Variants in MED13 observed in about 807,000 individuals in gnomAD.
The protein encoded by MED13 is mediator complex subunit 13.
MED13 carries 23 observed loss-of-function variants against 225.2 expected under a neutral mutation model. The observed-to-expected ratio is 0.10, with a 90% confidence interval of 0.07 to 0.14. MED13 has a LOEUF of 0.14. Ranked by LOEUF, MED13 falls within the 10% of genes least tolerant of loss-of-function variation. MED13 has a pLI of 1.00. For missense variants in MED13, 2,197 were observed against 2,594.5 expected (o/e 0.85, Z 3.33); for synonymous variants, 942 against 889.2 (o/e 1.06, Z -1.06).
chr17:62,041,175 A>G (rs2080849239), intron 3 of MED13, among the ~76,000 whole-genome samples: 2 of 152,260 alleles, frequency 1.3e-5, no homozygotes, highest in African/African-American at 4.8e-5. Flanking sequence ...TGTAGTATAT[A>G]CATACAACGG....
At position 61,943,975 on chromosome 17, in the gene MED13, G is replaced by C. The variant is rs552080124; in HGVS notation, c.*2493C>G. 6.6e-6 allele frequency: 1 copy of C among 152,652 alleles called. No individual in the cohort carries two copies. The highest frequency in any genetic ancestry group is 2.4e-5 in the African/African-American group (1 of 41,564). The allele number at this position is 152,652 out of a possible 1,614,324, so 9.5% of individuals were successfully genotyped here. Reference sequence around the variant, plus strand: ...TTTGTCTGTGACAGTACATTAGTAAGTCAAATCCATCATCCTGCACAAGGC... The same window carrying C: ...TTTGTCTGTGACAGTACATTAGTAACTCAAATCCATCATCCTGCACAAGGC... On this transcript the variant is annotated 3_prime_UTR_variant, in exon 30 of 30. Coordinates refer to ENST00000397786, the MANE Select transcript of MED13 (RefSeq NM_005121.3).
chr17:61,967,336 A>AT (rs1221193769), intron 18 of MED13, among the ~76,000 whole-genome samples: 2 of 152,316 alleles, frequency 1.3e-5, no homozygotes, highest in South Asian at 4.1e-4. Context: ...GATATTCCAA[A>AT]TAACACCCTT....
At chr17:61,966,423 G>A (rs757755112) in intron 19 of MED13, 39 bp downstream of exon 19, 1 of 1,492,546 alleles carries the variant, frequency 6.7e-7, no homozygotes, top group East Asian at 2.3e-5. Flanking sequence ...GCCACATTTT[G>A]CTAACACCAG....
Position 61,982,357 on chromosome 17 carries a change from C to T in MED13, c.3646G>A (p.Val1216Ile). 1 of 1,614,208 alleles carries T rather than the reference C, an allele frequency of 6.2e-7. No homozygotes were observed. The highest frequency in any genetic ancestry group is 8.5e-7 in the Non-Finnish European group (1 of 1,180,038). ...ADQDPFPKSG[V>I]ISNWVRVEER... ...TCAACACGTACCCAATTGCTAATTACACCACTTTTAGGAAAAGGATCTTGG... is the reference window on the plus strand; with the variant it reads ...TCAACACGTACCCAATTGCTAATTATACCACTTTTAGGAAAAGGATCTTGG... The change falls in exon 16 of 30, where the codon GTA becomes ATA. Residue 1216 changes from valine to isoleucine, a missense_variant. Physicochemically the swap from Val to Ile is conservative, Grantham distance 29 (BLOSUM62 3). This residue lies in a region of MED13 where 203 missense variants were observed against 209.7 expected (regional missense o/e 0.97). Transcript: ENST00000397786.
chr17:61,972,004 T>TA lies in MED13; in HGVS notation c.3967+722dup, dbSNP rs1230861691. Among the ~76,000 whole-genome samples the TA allele has an allele frequency of 7.8e-4, 119 of 152,206 alleles. 1 individual carries two copies. The East Asian group carries it at 0.015, about 19-fold the overall frequency. The stretch of plus-strand genomic sequence containing the variant: ...TCATTGACCTGCATTTTTCACAGAA[T>TA]ATTAGTTTTGTAATGAGATTTAAAT... On this transcript the variant is annotated intron_variant, in intron 17 of 29. Transcript: ENST00000397786.
At chr17:62,056,339 G>T (rs2080996255) in intron 2 of MED13, among the ~76,000 whole-genome samples, 1 of 152,166 alleles carries the variant, frequency 6.6e-6, no homozygotes, top group Non-Finnish European at 1.5e-5. Flanking sequence ...ATTGAAACAA[G>T]TTCTTGAATC....
rs1469973987 is a variant in MED13, at chr17:61,944,108, C to T, written c.*2360G>A. The T allele has an allele frequency of 2.0e-5, 3 of 152,490 alleles. No individual in the cohort carries two copies. Among genetic ancestry groups the T allele is most frequent in the Admixed American group, 2.0e-4 (3 of 15,262 alleles). The allele number at this position is 152,490 out of a possible 1,614,324, so 9.4% of individuals were successfully genotyped here. A position where few individuals can be genotyped will look rare whatever the true frequency, so the allele number is the denominator to read the frequency against. On this transcript the variant is annotated 3_prime_UTR_variant, in exon 30 of 30. Transcript: ENST00000397786. ...AAGAAAAAAAATCTTATCAATAAAT[C>T]CTGTATATTTGGGAACTATTCCCTG...
intron 18 of MED13, 74 bp from the exon 19 acceptor site, chr17:61,966,725 A>G: frequency 1.0e-6 from 1 of 964,694 alleles, no homozygotes; most frequent in East Asian, 3.0e-5. Context: ...AAAACCAACC[A>G]TGAAAGCTAC....
intron 20 of MED13, 105 bp downstream of exon 20, chr17:61,964,901 A>C: frequency 9.4e-7 from 1 of 1,068,654 alleles, no homozygotes; most frequent in South Asian, 1.7e-5. Flanking sequence ...CCACCACTGC[A>C]GTACAGCCTG....
At chr17:62,040,279 T>C (rs1321013853) in intron 3 of MED13, among the ~76,000 whole-genome samples, 2 of 152,192 alleles carry the variant, frequency 1.3e-5, no homozygotes, top group Admixed American at 1.3e-4. Flanking sequence ...GAAGTATTAT[T>C]AGTTACTATA....
At chr17:62,007,745 G>A (rs1289576204) in intron 9 of MED13, among the ~76,000 whole-genome samples, 2 of 152,114 alleles carry the variant, frequency 1.3e-5, no homozygotes, top group Non-Finnish European at 2.9e-5. Context: ...CTACTTGGGA[G>A]GCTGAGGCAG....
chr17:62,049,149 C>T (rs1227707524), intron 3 of MED13, among the ~76,000 whole-genome samples: 2 of 145,588 alleles, frequency 1.4e-5, no homozygotes, highest in African/African-American at 5.2e-5. Context: ...AGAGAATCCC[C>T]AAGATGACTA....
At chr17:62,047,379 A>G (rs956071594) in intron 3 of MED13, among the ~76,000 whole-genome samples, 1 of 152,138 alleles carries the variant, frequency 6.6e-6, no homozygotes, top group African/African-American at 2.4e-5. Flanking sequence ...TCAAAAACAA[A>G]AAGAATGAGT....
In MED13 at chr17:62,065,141, A is replaced by C; in HGVS notation, c.65T>G (p.Leu22Arg). The C allele has an allele frequency of 6.4e-7, 1 of 1,569,630 alleles. No individual in the cohort carries two copies. The highest frequency in any genetic ancestry group is 8.6e-7 in the Non-Finnish European group (1 of 1,159,772). Residue 22 changes from leucine (L) to arginine (R), a missense_variant and splice_region_variant, in exon 1 of 30, where the codon CTG (leucine) becomes CGG (arginine). By Grantham distance (102) the Leu-to-Arg change is moderately radical (BLOSUM62 -2). Transcript: ENST00000397786. ...LEDCHCNLFCLADLTGIKWKK... is the reference protein window; with the variant it reads ...LEDCHCNLFCRADLTGIKWKK... ...GCGCCCGCCGGCCCCGGCACTCACC[A>C]GGCAGAAGAGGTTACAGTGACAATC...
chr17:61,959,359 G>A lies in MED13; in HGVS notation c.5480+1508C>T, dbSNP rs546727819. 1.3e-4 allele frequency among the ~76,000 whole-genome samples: 19 copies of A among 151,994 alleles called. No individual in the cohort carries two copies. The South Asian group carries it at 3.7e-3, about 30-fold the overall frequency. Reference sequence around the variant, plus strand: ...CATTATCTCACTTCTACTTTATCAAGGTAGTAAAATGATAATACTATTTTG... The same window carrying A: ...CATTATCTCACTTCTACTTTATCAAAGTAGTAAAATGATAATACTATTTTG... On this transcript the variant is annotated intron_variant, in intron 23 of 29. Coordinates refer to ENST00000397786, the MANE Select transcript of MED13 (RefSeq NM_005121.3).
chr17:61,996,818 C>T (rs184330146), intron 9 of MED13, among the ~76,000 whole-genome samples: 208 of 152,288 alleles, frequency 1.4e-3, no homozygotes, highest in African/African-American at 4.7e-3. Context: ...CACACTAGAA[C>T]ATAAAAGCTC....
chr17:62,059,841 G>T (rs1277906177), intron 2 of MED13, among the ~76,000 whole-genome samples: 2 of 152,032 alleles, frequency 1.3e-5, no homozygotes, highest in East Asian at 3.8e-4. Flanking sequence ...TAAATAACAG[G>T]TTTTATTTTT....
In MED13 at chr17:61,946,952, G is replaced by A; in HGVS notation, c.6357C>T (p.His2119=). 1 of 1,614,094 alleles carries A rather than the reference G, an allele frequency of 6.2e-7. No homozygotes were observed. Among genetic ancestry groups the A allele is most frequent in the Non-Finnish European group, 8.5e-7 (1 of 1,179,958 alleles). ...CTGAAGTCTGATTTGAGTCAAGTGG[G>A]TGGGAGTGTTTACTGTGAAGCAGCT... ...SDELLHSKHS[H]PLDSNQTSDV... The change falls in exon 29 of 30, where the codon CAC becomes CAT. Residue 2119 remains histidine (H), a synonymous_variant. Coordinates refer to ENST00000397786, the MANE Select transcript of MED13 (RefSeq NM_005121.3).
chr17:61,949,389 C>T (rs547515845), intron 28 of MED13, among the ~76,000 whole-genome samples: 1 of 152,128 alleles, frequency 6.6e-6, no homozygotes, highest in East Asian at 1.9e-4. Flanking sequence ...GCCACCATGC[C>T]TAATATTAAA....
Sources: gnomAD v4.1 joint callset for allele counts (sites outside exome capture counted in the v4.1 genomes callset) on GRCh38, gnomAD v4.1.1 for gene constraint, gnomAD v4.1.1 regional missense constraint, MANE v1.5 for transcripts, NCBI Gene and HGNC (gene_info 2026-07-23, HGNC 2026-07-21) for gene names.